SYNE2: variants seen among roughly 807,000 people sequenced by gnomAD.
SYNE2 encodes spectrin repeat containing nuclear envelope protein 2, also known as nesprin-2.
Under a neutral mutation model 856.3 loss-of-function variants are expected in SYNE2, and 431 were observed. The observed-to-expected ratio is 0.50, with a 90% CI of 0.47 to 0.55. The LOEUF (loss-of-function observed/expected upper bound fraction) is 0.55, where lower values mean the gene tolerates loss of function less well. Among genes scored for constraint, SYNE2 ranks in the 20% least tolerant of loss-of-function variants. SYNE2 has a pLI of 0.00. For synonymous variants in SYNE2, 2,923 were observed against 2,872.3 expected, an observed-to-expected ratio of 1.02 and a Z score of -0.56; for missense variants, 8,129 against 8,023.2, an observed-to-expected ratio of 1.01 and a Z score of -0.50.
intron 58 of SYNE2, 28 bp from the exon 59 acceptor site, chr14:64,089,546 G>T (rs2097591183): frequency 4.4e-6 from 7 of 1,595,474 alleles, no homozygotes; most frequent in Non-Finnish European, 5.1e-6. Context: ...AATATATATT[G>T]CATCAGTGTG....
chr14:64,142,433 G>A (rs1248387346), intron 82 of SYNE2, among the ~76,000 whole-genome samples: 4 of 152,014 alleles, frequency 2.6e-5, no homozygotes, highest in Non-Finnish European at 1.5e-5. Flanking sequence ...TTATCATCCT[G>A]TGTACATGCT....
intron 99 of SYNE2, among the ~76,000 whole-genome samples, chr14:64,199,573 C>T (rs548816920): frequency 6.6e-6 from 1 of 151,912 alleles, no homozygotes; most frequent in South Asian, 2.1e-4. Context: ...CAAAAATTAG[C>T]TGAGCATGGT....
chr14:63,802,523 C>T (rs1413353891), intron 1 of SYNE2, among the ~76,000 whole-genome samples: 1 of 152,114 alleles, frequency 6.6e-6, no homozygotes. Context: ...CTTTGGTTGA[C>T]TGTTGGGAAG....
intron 1 of SYNE2, among the ~76,000 whole-genome samples, chr14:63,877,243 A>T (rs1198988294): frequency 6.6e-6 from 1 of 152,218 alleles, no homozygotes; most frequent in Non-Finnish European, 1.5e-5. Context: ...TATAAAAAAA[A>T]TAGCAGGCCC....
intron 45 of SYNE2, among the ~76,000 whole-genome samples, chr14:64,036,088 C>CTAACG (rs367752134): frequency 1.3e-5 from 2 of 152,052 alleles, no homozygotes; most frequent in African/African-American, 4.8e-5. Context: ...CTTTAAGAGG[C>CTAACG]TAACGTGCTG....
intron 1 of SYNE2, among the ~76,000 whole-genome samples, chr14:63,797,156 A>G (rs951957498): frequency 2.0e-5 from 3 of 151,522 alleles, no homozygotes; most frequent in African/African-American, 4.8e-5. Flanking sequence ...ATGCACTTTG[A>G]GAGGCTGAGG....
chr14:64,031,269 G>T lies in SYNE2; in HGVS notation c.7133G>T (p.Arg2378Ile). Reference sequence around the variant, plus strand: ...AAAGGAAAGTTTACTCTGCCAGGCAGAGAGAAGCAGGCCACTTCTGATGTG... The same window carrying T: ...AAAGGAAAGTTTACTCTGCCAGGCATAGAGAAGCAGGCCACTTCTGATGTG... The part of the protein sequence containing the change: ...EKKGKFTLPG[R>I]EKQATSDVQE... The change falls in exon 45 of 116, where the codon AGA becomes ATA. Residue 2378 changes from arginine (R) to isoleucine (I), a missense_variant. Around this residue, in one of 3 missense-constraint regions of SYNE2, gnomAD observed 297 missense variants for 380.9 expected, o/e 0.78. Coordinates refer to ENST00000555002, the MANE Select transcript of SYNE2 (RefSeq NM_182914.3). The T allele has an allele frequency of 6.2e-7, 1 of 1,614,174 alleles. No individual in the cohort carries two copies. The highest frequency in any genetic ancestry group is 8.5e-7 in the Non-Finnish European group (1 of 1,180,034).
chr14:64,217,032 C>G (rs185497711), intron 108 of SYNE2, among the ~76,000 whole-genome samples: 7 of 152,316 alleles, frequency 4.6e-5, no homozygotes, highest in Admixed American at 3.9e-4. Flanking sequence ...AACCTTCAAG[C>G]CTTTGTTATG....
chr14:64,103,346 C>CA (rs2153643986), intron 64 of SYNE2, among the ~76,000 whole-genome samples: 1 of 146,194 alleles, frequency 6.8e-6, no homozygotes, highest in East Asian at 2.0e-4. Flanking sequence ...GAGGGTCTCT[C>CA]CATAATCTTT....
At chr14:63,884,236 C>T (rs11158518) in intron 1 of SYNE2, among the ~76,000 whole-genome samples, 68,305 of 152,032 alleles carry the variant, frequency 0.45, 16,165 homozygotes, top group South Asian at 0.55. Flanking sequence ...AGAAGCCTTC[C>T]GGGGGCACTT....
In SYNE2 at chr14:64,021,921, G is replaced by T; in HGVS notation, c.5417G>T (p.Cys1806Phe). Reference protein sequence around the residue: ...SMILLENQIGCLTPELSELKK... With the variant: ...SMILLENQIGFLTPELSELKK... ...ATATTACTTGAGAATCAAATAGGTT[G>T]TCTGACTCCTGAACTCTCTGAATTG... The change falls in exon 37 of 116, where the codon TGT becomes TTT. Residue 1806 changes from cysteine to phenylalanine, a missense_variant. Coordinates refer to ENST00000555002, the MANE Select transcript of SYNE2 (RefSeq NM_182914.3). The T allele has an allele frequency of 6.2e-7, 1 of 1,613,962 alleles. No homozygotes were observed. The highest frequency in any genetic ancestry group is 8.5e-7 in the Non-Finnish European group (1 of 1,179,924).
chr14:63,879,985 GTTTTA>G (rs1205417068), intron 1 of SYNE2, among the ~76,000 whole-genome samples: 1 of 152,054 alleles, frequency 6.6e-6, no homozygotes, highest in African/African-American at 2.4e-5. Context: ...CTCTGGTTAT[GTTTTA>G]TTTTATGAAT....
intron 2 of SYNE2, among the ~76,000 whole-genome samples, chr14:63,921,544 GAGA>G (rs1189364594): frequency 1.3e-5 from 2 of 152,156 alleles, no homozygotes; most frequent in Non-Finnish European, 2.9e-5. Flanking sequence ...ATGGACCCCA[GAGA>G]AGGAGAGTAT....
chr14:63,949,243 A>T (rs2096109653), intron 6 of SYNE2, among the ~76,000 whole-genome samples: 1 of 152,176 alleles, frequency 6.6e-6, no homozygotes, highest in South Asian at 2.1e-4. Context: ...TCATACTTTC[A>T]CCATCACTGG....
At chr14:64,156,270 C>T (rs11158533) in intron 85 of SYNE2, among the ~76,000 whole-genome samples, 58,221 of 151,794 alleles carry the variant, frequency 0.38, 11,516 homozygotes, top group African/African-American at 0.49. Flanking sequence ...GTGGAAGCTG[C>T]AAAGGCCTTG....
intron 1 of SYNE2, among the ~76,000 whole-genome samples, chr14:63,767,069 G>C (rs1300100878): frequency 1.3e-5 from 2 of 151,714 alleles, no homozygotes; most frequent in East Asian, 3.9e-4. Context: ...CAAAATGGCA[G>C]GGGCGTTTTG....
chr14:63,797,078 CAA>C (rs372872575), intron 1 of SYNE2, among the ~76,000 whole-genome samples: 94 of 70,338 alleles, frequency 1.3e-3, no homozygotes, highest in African/African-American at 3.7e-3. Context: ...GACTTCATCT[CAA>C]AAAAAAAAAA....
In SYNE2 at chr14:64,174,995, G is replaced by A. The variant is rs1315464944; in HGVS notation, c.17287G>A (p.Glu5763Lys). 5 of 1,614,090 alleles carry A rather than the reference G, an allele frequency of 3.1e-6. No homozygotes were observed. The highest frequency in any genetic ancestry group is 1.7e-5 in the Admixed American group (1 of 60,010). The change falls in exon 95 of 116, where the codon GAA (glutamate) becomes AAA (lysine). Residue 5763 changes from glutamate to lysine, a missense_variant. Glu to Lys is a moderately conservative substitution (Grantham distance 56, BLOSUM62 1). This residue lies in a region of SYNE2 where 5,410 missense variants were observed against 5,284.8 expected (regional missense o/e 1.02). Transcript: ENST00000555002. The part of the protein sequence containing the change: ...RRRTTCALTL[E>K]AGEKLLLTTD... ...GCGAACTACCTGTGCCCTAACCTTG[G>A]AAGCTGGAGAAAAGTTACTGCTCAC...
intron 45 of SYNE2, among the ~76,000 whole-genome samples, chr14:64,036,621 G>C (rs1214338768): frequency 6.6e-6 from 1 of 152,024 alleles, no homozygotes; most frequent in Admixed American, 6.5e-5. Context: ...CAGATGTTTG[G>C]TCAACAACTG....
Sources: gnomAD v4.1 joint callset for allele counts (sites outside exome capture counted in the v4.1 genomes callset) on GRCh38, gnomAD v4.1.1 for gene constraint, gnomAD v4.1.1 regional missense constraint, MANE v1.5 for transcripts, NCBI Gene and HGNC (gene_info 2026-07-23, HGNC 2026-07-21) for gene names.